Variants in ANO3 observed in about 807,000 individuals in gnomAD.
ANO3 encodes anoctamin-3.
A neutral mutation model predicts 144.8 loss-of-function variants in ANO3; 99 were observed. The observed-to-expected ratio is 0.68, with a 90% CI of 0.58 to 0.81. ANO3 has a LOEUF of 0.81. Ranked by LOEUF, ANO3 falls within the 30% of genes least tolerant of loss-of-function variation. The probability of loss-of-function intolerance (pLI) is 0.00; values close to 1 mark genes in which losing one functional copy is unlikely to be tolerated. For missense variants in ANO3, 905 were observed against 1,202.2 expected (o/e 0.75, Z 3.66); for synonymous variants, 414 against 392.6 (o/e 1.05, Z -0.64).
chr11:26,380,292 C>T (rs1183473213), intron 1 of ANO3, among the ~76,000 whole-genome samples: 1 of 152,162 alleles, frequency 6.6e-6, no homozygotes, highest in Non-Finnish European at 1.5e-5. Context: ...TGTGGGTTAT[C>T]TTTTCAAATT....
chr11:26,592,563 G>A (rs1484245567), intron 14 of ANO3, among the ~76,000 whole-genome samples: 2 of 149,950 alleles, frequency 1.3e-5, no homozygotes, highest in Non-Finnish European at 3.0e-5. Context: ...TGAAATCCCT[G>A]AGATTTGGGC....
At chr11:26,429,377 G>A (rs1191245358) in intron 1 of ANO3, among the ~76,000 whole-genome samples, 2 of 151,724 alleles carry the variant, frequency 1.3e-5, no homozygotes, top group African/African-American at 4.8e-5. Flanking sequence ...AGTAAGGAAA[G>A]GGGGAGATAA....
chr11:26,593,653 A>C (rs190805154), intron 14 of ANO3, among the ~76,000 whole-genome samples: 1 of 152,302 alleles, frequency 6.6e-6, no homozygotes, highest in Non-Finnish European at 1.5e-5. Flanking sequence ...TCCCTGGGGA[A>C]GTGGGCCTTC....
At chr11:26,403,974 C>T (rs1339487325) in intron 1 of ANO3, among the ~76,000 whole-genome samples, 1 of 151,820 alleles carries the variant, frequency 6.6e-6, no homozygotes, top group African/African-American at 2.4e-5. Flanking sequence ...TGTGATCTCA[C>T]CTTTCAAAAT....
intron 1 of ANO3, among the ~76,000 whole-genome samples, chr11:26,356,182 C>T (rs2133918776): frequency 6.6e-6 from 1 of 151,996 alleles, no homozygotes; most frequent in Non-Finnish European, 1.5e-5. Flanking sequence ...TATGTATCTA[C>T]ACACATATGT....
intron 3 of ANO3, among the ~76,000 whole-genome samples, chr11:26,452,484 T>C (rs1858984135): frequency 6.6e-6 from 1 of 152,078 alleles, no homozygotes; most frequent in Non-Finnish European, 1.5e-5. Flanking sequence ...GTATCAGTGA[T>C]AGAAGATGAA....
intron 5 of ANO3, among the ~76,000 whole-genome samples, chr11:26,508,965 T>C (rs1014079866): frequency 4.0e-5 from 6 of 151,868 alleles, no homozygotes; most frequent in African/African-American, 1.2e-4. Context: ...TTGGTGGTCT[T>C]GTTAACAACT....
Position 26,598,419 on chromosome 11 carries a change from G to C in ANO3, c.1502G>C (p.Trp501Ser). 1 of 1,592,924 alleles carries C rather than the reference G, an allele frequency of 6.3e-7. No homozygotes were observed. The highest frequency in any genetic ancestry group is 8.5e-7 in the Non-Finnish European group (1 of 1,170,764). Residue 501 changes from tryptophan to serine, a missense_variant, in exon 15 of 27, where the codon TGG becomes TCG. Coordinates refer to ENST00000256737, the MANE Select transcript of ANO3 (RefSeq NM_031418.4). ...AGAAGGAGTATACTGACCTATACTTGGGACCTTATCGAATGGGAAGAAGAG... is the reference window on the plus strand; with the variant it reads ...AGAAGGAGTATACTGACCTATACTTCGGACCTTATCGAATGGGAAGAAGAG... ...KRRRSILTYTWDLIEWEEEEE... is the reference protein window; with the variant it reads ...KRRRSILTYTSDLIEWEEEEE...
chr11:26,370,207 A>G (rs545160385), intron 1 of ANO3, among the ~76,000 whole-genome samples: 1 of 152,238 alleles, frequency 6.6e-6, no homozygotes, highest in East Asian at 1.9e-4. Flanking sequence ...TCCCCATGCT[A>G]TTCTCCTGAT....
At chr11:26,256,494 C>A (rs1206694665) in intron 1 of ANO3, among the ~76,000 whole-genome samples, 1 of 152,030 alleles carries the variant, frequency 6.6e-6, no homozygotes, top group East Asian at 1.9e-4. Flanking sequence ...TTTATAGATG[C>A]AGTCTTTAAT....
chr11:26,639,516 A>C (rs1342334241), intron 21 of ANO3, among the ~76,000 whole-genome samples: 1 of 152,230 alleles, frequency 6.6e-6, no homozygotes, highest in Non-Finnish European at 1.5e-5. Flanking sequence ...GCATTAAGAC[A>C]CTTGTTACTA....
At chr11:26,273,933 C>T (rs1853503711) in intron 1 of ANO3, among the ~76,000 whole-genome samples, 1 of 152,128 alleles carries the variant, frequency 6.6e-6, no homozygotes, top group Non-Finnish European at 1.5e-5. Context: ...TTGAGCTTCA[C>T]ATAAGCTGTG....
chr11:26,307,429 C>T (rs982536949), upstream of ANO3, among the ~76,000 whole-genome samples: 2 of 142,314 alleles, frequency 1.4e-5, no homozygotes, highest in South Asian at 2.3e-4. Flanking sequence ...GGCTGGGTGC[C>T]GTGGCTCACG....
intron 14 of ANO3, among the ~76,000 whole-genome samples, chr11:26,592,314 C>G (rs954219969): frequency 1.3e-5 from 2 of 151,968 alleles, no homozygotes; most frequent in African/African-American, 4.8e-5. Flanking sequence ...TCGGCTTTTC[C>G]TGAGGATTGT....
chr11:26,465,459 T>C (rs1462690115), intron 4 of ANO3, among the ~76,000 whole-genome samples: 2 of 151,746 alleles, frequency 1.3e-5, no homozygotes, highest in African/African-American at 4.8e-5. Context: ...AAAGAGATCA[T>C]TTTAGTGATG....
intron 9 of ANO3, among the ~76,000 whole-genome samples, chr11:26,535,202 TTTTTAGAG>T (rs1186240110): frequency 7.9e-5 from 12 of 152,294 alleles, no homozygotes; most frequent in Non-Finnish European, 4.4e-5. Context: ...TGTAAGAAAC[TTTTTAGAG>T]GTTACCTCTG....
At chr11:26,526,176 G>A (rs910305358) in intron 7 of ANO3, among the ~76,000 whole-genome samples, 23 of 151,998 alleles carry the variant, frequency 1.5e-4, no homozygotes, top group African/African-American at 5.3e-4. Context: ...GGAAGGTACC[G>A]CTCTTATCCT....
At chr11:26,614,255 G>A (rs1174094882) in intron 17 of ANO3, among the ~76,000 whole-genome samples, 1 of 152,222 alleles carries the variant, frequency 6.6e-6, no homozygotes, top group Non-Finnish European at 1.5e-5. Context: ...CAGTGTAGGT[G>A]CACATGGATG....
chr11:26,195,481 T>G (rs1851567501), intron 1 of ANO3, among the ~76,000 whole-genome samples: 1 of 152,116 alleles, frequency 6.6e-6, no homozygotes, highest in Admixed American at 6.6e-5. Flanking sequence ...CCTTTAGAAA[T>G]GAGATGCCTT....
Sources: gnomAD v4.1 joint callset for allele counts (sites outside exome capture counted in the v4.1 genomes callset) on GRCh38, gnomAD v4.1.1 for gene constraint, MANE v1.5 for transcripts, NCBI Gene and HGNC (gene_info 2026-07-23, HGNC 2026-07-21) for gene names.